The following CEP85L variants were observed in gnomAD, a reference collection of about 807,000 sequenced individuals.
CEP85L encodes centrosomal protein 85L.
In CEP85L, 60 loss-of-function variants were observed where a neutral mutation model predicts 100.3. That is an observed-to-expected ratio of 0.60 (90% CI 0.49 to 0.74). The LOEUF is 0.74. CEP85L is among the 30% of genes least tolerant of loss of function. The pLI is 0.00. For missense variants in CEP85L, 973 were observed against 936.2 expected (o/e 1.04, Z -0.51); for synonymous variants, 319 against 322.7 (o/e 0.99, Z 0.12).
At chr6:118,602,036 C>T (rs868725370) in intron 2 of CEP85L, among the ~76,000 whole-genome samples, 10 of 152,142 alleles carry the variant, frequency 6.6e-5, no homozygotes, top group South Asian at 4.1e-4. Flanking sequence ...CAGGTTCACA[C>T]GCCTCTAACA....
At chr6:118,677,095 G>C (rs959603573) in intron 1 of CEP85L, among the ~76,000 whole-genome samples, 1 of 151,844 alleles carries the variant, frequency 6.6e-6, no homozygotes, top group Non-Finnish European at 1.5e-5. Flanking sequence ...TGGAAATCAG[G>C]GTCCCAGCTC....
chr6:118,698,163 T>C (rs1176858693), intron 1 of CEP85L, among the ~76,000 whole-genome samples: 1 of 152,210 alleles, frequency 6.6e-6, no homozygotes, highest in Non-Finnish European at 1.5e-5. Flanking sequence ...ATGTTGCTTC[T>C]AAAATCCAGA....
At chr6:118,668,553 CT>C (rs1291431004) in intron 1 of CEP85L, among the ~76,000 whole-genome samples, 2 of 152,144 alleles carry the variant, frequency 1.3e-5, no homozygotes, top group Non-Finnish European at 2.9e-5. Context: ...CAAGTCCAGC[CT>C]GGGCAAAAAG....
intron 2 of CEP85L, among the ~76,000 whole-genome samples, chr6:118,597,140 C>T (rs2115153199): frequency 6.6e-6 from 1 of 152,304 alleles, no homozygotes; most frequent in Admixed American, 6.5e-5. Flanking sequence ...CCTAAGGCCT[C>T]CCCAGCCATG....
intron 4 of CEP85L, among the ~76,000 whole-genome samples, chr6:118,521,924 T>C (rs967194359): frequency 1.3e-5 from 2 of 152,228 alleles, no homozygotes; most frequent in Admixed American, 6.5e-5. Context: ...TTTTATTATA[T>C]TATGTCAATA....
rs546998242 is a variant in CEP85L, at chr6:118,519,432, C to CTGTGTGTGTGTG, written c.1139+4358_1139+4369dup. ...CCAGTCTGGGTGACAGAGCAAAACT[C>CTGTGTGTGTGTG]TGTGTGTGTGTGTGTGTGTGTGTGT... On this transcript the variant is annotated intron_variant, in intron 4 of 12. Coordinates refer to ENST00000368491, the MANE Select transcript of CEP85L (RefSeq NM_001042475.3). 7.4e-3 allele frequency among the ~76,000 whole-genome samples: 178 copies of CTGTGTGTGTGTG among 23,954 alleles called. 17 individuals are homozygous for CTGTGTGTGTGTG. Among genetic ancestry groups the CTGTGTGTGTGTG allele is most frequent in the Non-Finnish European group, 7.8e-3 (110 of 14,138 alleles). The allele number at this position is 23,954 out of a possible 152,430, so 15.7% of individuals were successfully genotyped here.
chr6:118,525,102 G>A (rs533115997), intron 3 of CEP85L, among the ~76,000 whole-genome samples: 100 of 152,242 alleles, frequency 6.6e-4, no homozygotes, highest in African/African-American at 2.4e-3. Context: ...CTGGTCGTGT[G>A]ACAAGAACCC....
chr6:118,565,949 C>T lies in CEP85L; in HGVS notation c.600G>A (p.Gly200=). The T allele has an allele frequency of 6.2e-7, 1 of 1,614,174 alleles. No homozygotes were observed. The highest frequency in any genetic ancestry group is 8.5e-7 in the Non-Finnish European group (1 of 1,180,032). The part of the protein sequence containing the change: ...KALTSQLRTI[G]PSCLHDSMEM... Reference sequence around the variant, plus strand: ...CCATACTATCATGTAAACAGCTAGGCCCAATTGTCCTCAGTTGTGATGTTA... The same window carrying T: ...CCATACTATCATGTAAACAGCTAGGTCCAATTGTCCTCAGTTGTGATGTTA... Residue 200 remains glycine, a synonymous_variant, in exon 3 of 13, where the codon GGG becomes GGA. Coordinates refer to ENST00000368491, the MANE Select transcript of CEP85L (RefSeq NM_001042475.3).
At chr6:118,698,774 C>T (rs552300777) in intron 1 of CEP85L, among the ~76,000 whole-genome samples, 73 of 151,540 alleles carry the variant, frequency 4.8e-4, no homozygotes, top group Admixed American at 1.0e-3. Flanking sequence ...TGACCTTCAG[C>T]TCTATGATTT....
intron 2 of CEP85L, among the ~76,000 whole-genome samples, chr6:118,579,945 A>C (rs1780472564): frequency 6.6e-6 from 1 of 152,056 alleles, no homozygotes; most frequent in Admixed American, 6.6e-5. Context: ...CATCATGGCC[A>C]CCCCCACATA....
At chr6:118,475,086 G>C (rs1226926403) in intron 10 of CEP85L, among the ~76,000 whole-genome samples, 1 of 152,118 alleles carries the variant, frequency 6.6e-6, no homozygotes, top group Non-Finnish European at 1.5e-5. Context: ...AGCTGGATAT[G>C]GTCAAGAGTC....
chr6:118,651,560 G>A lies in CEP85L; in HGVS notation c.-291C>T, dbSNP rs1248730770. On this transcript the variant is annotated 5_prime_UTR_variant, in exon 1 of 13. Transcript: ENST00000368491. ...TCCCCGGCTGAGCCCAGGCTCAAAG[G>A]CTCCAGGCGAAGTTGCAGCTGCGGG... The A allele has an allele frequency of 4.2e-6, 5 of 1,196,576 alleles. No homozygotes were observed. Among genetic ancestry groups the A allele is most frequent in the African/African-American group, 1.6e-5 (1 of 62,930 alleles). 74.1% of individuals were successfully genotyped at this position (1,196,576 alleles called of 1,614,324 possible).
At chr6:118,663,901 T>C (rs1459718673) in intron 1 of CEP85L, among the ~76,000 whole-genome samples, 9 of 151,944 alleles carry the variant, frequency 5.9e-5, no homozygotes, top group Admixed American at 1.3e-4. Flanking sequence ...TGTACTATTA[T>C]TTTTTATTCT....
intron 4 of CEP85L, among the ~76,000 whole-genome samples, chr6:118,520,272 A>G: frequency 6.6e-6 from 1 of 152,256 alleles, no homozygotes; most frequent in East Asian, 1.9e-4. Context: ...ACCTTTAATC[A>G]CAGACAACAT....
At chr6:118,656,050 ATACC>A (rs1290976174), upstream of CEP85L, among the ~76,000 whole-genome samples, 3 of 152,216 alleles carry the variant, frequency 2.0e-5, no homozygotes, top group East Asian at 5.8e-4. Flanking sequence ...TGAGAAGGAA[ATACC>A]TAACTATAGG....
intron 1 of CEP85L, among the ~76,000 whole-genome samples, chr6:118,675,848 G>C (rs146996066): frequency 2.0e-3 from 301 of 152,246 alleles, no homozygotes; most frequent in Non-Finnish European, 3.2e-3. Context: ...AGAGAAAAGT[G>C]ATAAAGGAGT....
upstream of CEP85L, among the ~76,000 whole-genome samples, chr6:118,655,674 G>A (rs1775763396): frequency 6.6e-6 from 1 of 152,204 alleles, no homozygotes; most frequent in Non-Finnish European, 1.5e-5. Context: ...TGGGGAAGAG[G>A]ACTGTTGAAA....
intron 2 of CEP85L, among the ~76,000 whole-genome samples, chr6:118,606,466 T>C (rs1772230336): frequency 6.6e-6 from 1 of 152,248 alleles, no homozygotes; most frequent in South Asian, 2.1e-4. Flanking sequence ...GTAGTCCCCA[T>C]TTCCTTTCCC....
chr6:118,695,039 T>G (rs9387596), intron 1 of CEP85L, among the ~76,000 whole-genome samples: 32,093 of 152,070 alleles, frequency 0.21, 4,503 homozygotes, highest in East Asian at 0.62. Flanking sequence ...GAGACCCTCT[T>G]TGTTCCACCC....
Sources: allele counts gnomAD v4.1 joint callset (sites outside exome capture counted in the v4.1 genomes callset), GRCh38; gene constraint gnomAD v4.1.1; transcripts MANE v1.5; gene names NCBI Gene and HGNC (gene_info 2026-07-23, HGNC 2026-07-21).